Variants in STPG2 observed in about 807,000 individuals in gnomAD.
STPG2 encodes the protein sperm-tail PG-rich repeat-containing protein 2.
STPG2 carries 56 observed loss-of-function variants against 54.2 expected under a neutral mutation model. The observed-to-expected ratio is 1.03, with a 90% CI of 0.83 to 1.29. The LOEUF is 1.29. STPG2 is among the 50% of genes most tolerant of loss of function. STPG2 has a pLI of 0.00. For missense variants in STPG2, 596 were observed against 544.9 expected (o/e 1.09, Z -0.93); for synonymous variants, 200 against 181.8 (o/e 1.10, Z -0.81).
At chr4:97,687,634 C>T (rs971576916) in intron 10 of STPG2, among the ~76,000 whole-genome samples, 5 of 152,196 alleles carry the variant, frequency 3.3e-5, no homozygotes, top group African/African-American at 4.8e-5. Flanking sequence ...GCCACCACAC[C>T]CAGCTCCATG....
downstream of STPG2, among the ~76,000 whole-genome samples, chr4:97,558,397 G>A (rs901072318): frequency 6.6e-6 from 1 of 152,168 alleles, no homozygotes; most frequent in African/African-American, 2.4e-5. Flanking sequence ...TGGACCTGGT[G>A]ATTCGCCCTT....
chr4:97,843,176 T>G (rs541640900), intron 8 of STPG2, among the ~76,000 whole-genome samples: 89 of 148,058 alleles, frequency 6.0e-4, no homozygotes, highest in African/African-American at 1.1e-3. Flanking sequence ...TTTTTGGTGG[T>G]TTTTTTTTTC....
intron 5 of STPG2, among the ~76,000 whole-genome samples, chr4:98,045,255 G>A (rs757367595): frequency 6.6e-5 from 10 of 152,124 alleles, no homozygotes; most frequent in Non-Finnish European, 1.2e-4. Context: ...CCTGAACAGA[G>A]GACTAGAACC....
rs1360995766 is a variant in STPG2, at chr4:97,604,768, C to T, written c.1321-45651G>A. On this transcript the variant is annotated intron_variant, in intron 10 of 10. Coordinates refer to ENST00000295268, the MANE Select transcript of STPG2 (RefSeq NM_174952.3). ...TGGCCAGGTCTGGCTGCCAAAAAGG[C>T]TGCTTCTGATTTATCTTACATTCTA... is the stretch of plus-strand genomic sequence containing the variant. 2.0e-5 allele frequency among the ~76,000 whole-genome samples: 3 copies of T among 151,692 alleles called. No homozygotes were observed. The East Asian group carries it at 5.8e-4, about 29-fold the overall frequency.
At chr4:97,782,163 G>T (rs925063908) in intron 9 of STPG2, among the ~76,000 whole-genome samples, 1 of 152,320 alleles carries the variant, frequency 6.6e-6, no homozygotes, top group Middle Eastern at 3.4e-3. Flanking sequence ...CAGATGACAT[G>T]ATTGTATATT....
intron 4 of STPG2, among the ~76,000 whole-genome samples, chr4:97,532,889 CT>C (rs1362677803): frequency 1.3e-5 from 2 of 151,928 alleles, no homozygotes; most frequent in Non-Finnish European, 2.9e-5. Flanking sequence ...ATTTTCTTTT[CT>C]TTTTTCTTTT....
At position 97,981,141 on chromosome 4, in the gene STPG2, T is replaced by C. The variant is rs755770186; in HGVS notation, c.772+18A>G. The C allele has an allele frequency of 5.0e-6, 8 of 1,612,100 alleles. No homozygotes were observed. Among genetic ancestry groups the C allele is most frequent in the Middle Eastern group, 1.8e-4 (1 of 5,470 alleles). On this transcript the variant is annotated intron_variant, in intron 6 of 10. Transcript: ENST00000295268. ...TTTATAAAGCCAAAGAGTAGACATATATAGATAAATTGCTAACCTGGCATT... is the reference window on the plus strand; with the variant it reads ...TTTATAAAGCCAAAGAGTAGACATACATAGATAAATTGCTAACCTGGCATT...
At chr4:97,717,708 T>C (rs1037270029) in intron 9 of STPG2, among the ~76,000 whole-genome samples, 15 of 152,150 alleles carry the variant, frequency 9.9e-5, no homozygotes, top group African/African-American at 3.6e-4. Context: ...TTTGAATGAC[T>C]TTCACCAGTC....
chr4:97,924,064 C>T (rs1400532274), intron 8 of STPG2, among the ~76,000 whole-genome samples: 1 of 152,210 alleles, frequency 6.6e-6, no homozygotes, highest in African/African-American at 2.4e-5. Flanking sequence ...CTACTGCTCA[C>T]TCTTTGGGTC....
intron 5 of STPG2, among the ~76,000 whole-genome samples, chr4:98,077,266 C>T (rs1267301877): frequency 4.7e-5 from 6 of 126,518 alleles, no homozygotes; most frequent in African/African-American, 2.0e-4. Context: ...TTGTTGGAGA[C>T]AGAGTCCCCC....
chr4:97,464,592 T>A (rs1432874939), intron 4 of STPG2, among the ~76,000 whole-genome samples: 1 of 152,090 alleles, frequency 6.6e-6, no homozygotes, highest in Non-Finnish European at 1.5e-5. Context: ...AATTTTTGTA[T>A]TTTTAGTAGA....
chr4:98,114,489 T>C (rs1159944088), intron 3 of STPG2, among the ~76,000 whole-genome samples: 2 of 152,126 alleles, frequency 1.3e-5, no homozygotes, highest in African/African-American at 2.4e-5. Flanking sequence ...AATCAGTATT[T>C]TAAAATACAG....
intron 8 of STPG2, among the ~76,000 whole-genome samples, chr4:97,865,041 T>G (rs556492927): frequency 6.6e-6 from 1 of 152,218 alleles, no homozygotes; most frequent in East Asian, 1.9e-4. Context: ...GGCAAGGACT[T>G]CATGTCTAAA....
At chr4:97,864,838 G>A (rs1560561604) in intron 8 of STPG2, among the ~76,000 whole-genome samples, 1 of 152,014 alleles carries the variant, frequency 6.6e-6, no homozygotes, top group Non-Finnish European at 1.5e-5. Flanking sequence ...ACAAGAAATA[G>A]GGAAAGGATT....
At chr4:98,067,245 A>G (rs1404842418) in intron 5 of STPG2, among the ~76,000 whole-genome samples, 1 of 152,238 alleles carries the variant, frequency 6.6e-6, no homozygotes, top group South Asian at 2.1e-4. Flanking sequence ...ACAGAAAGCA[A>G]TGCTGGAACT....
intron 8 of STPG2, among the ~76,000 whole-genome samples, chr4:97,921,153 A>G (rs1477603529): frequency 6.6e-6 from 1 of 152,168 alleles, no homozygotes; most frequent in East Asian, 1.9e-4. Context: ...GGGCAGAGAT[A>G]GTCTCCTCAT....
At chr4:97,725,657 A>G (rs1443229363) in intron 9 of STPG2, among the ~76,000 whole-genome samples, 1 of 151,804 alleles carries the variant, frequency 6.6e-6, no homozygotes, top group African/African-American at 2.4e-5. Flanking sequence ...AGATAAAAAG[A>G]TATTTAAAAA....
intron 4 of STPG2, among the ~76,000 whole-genome samples, chr4:98,107,250 T>G (rs1045369742): frequency 1.3e-5 from 2 of 152,052 alleles, no homozygotes; most frequent in African/African-American, 4.8e-5. Context: ...ACTTTTATAC[T>G]GAATCAAGCC....
chr4:97,821,550 C>T (rs1299849076), intron 9 of STPG2, among the ~76,000 whole-genome samples: 1 of 152,204 alleles, frequency 6.6e-6, no homozygotes, highest in African/African-American at 2.4e-5. Flanking sequence ...TCCAACCCCA[C>T]ATTTCCCCTC....
Sources: allele counts gnomAD v4.1 joint callset (sites outside exome capture counted in the v4.1 genomes callset), GRCh38; gene constraint gnomAD v4.1.1; transcripts MANE v1.5; gene names NCBI Gene and HGNC (gene_info 2026-07-23, HGNC 2026-07-21).